The following SLC39A11 variants were observed in gnomAD, a reference collection of about 807,000 sequenced individuals.
SLC39A11 encodes zinc transporter ZIP11.
SLC39A11 carries 33 observed loss-of-function variants against 36.1 expected under a neutral mutation model. The observed-to-expected ratio is 0.91, with a 90% CI of 0.69 to 1.22. The LOEUF is 1.22. Among genes scored for constraint, SLC39A11 ranks in the 50% most tolerant of loss-of-function variants. The pLI is 0.00. For missense variants in SLC39A11, 432 were observed against 430.3 expected, an observed-to-expected ratio of 1.00 and a Z score of -0.03; for synonymous variants, 166 against 170.3, an observed-to-expected ratio of 0.97 and a Z score of 0.20.
At chr17:72,808,833 C>T (rs1326570127) in intron 6 of SLC39A11, among the ~76,000 whole-genome samples, 1 of 152,022 alleles carries the variant, frequency 6.6e-6, no homozygotes, top group African/African-American at 2.4e-5. Flanking sequence ...CTCTTCCACA[C>T]CTCTATGATT....
rs140102996 is a variant in SLC39A11 at position 72,994,621 on chromosome 17, G to A, written c.306+36935C>T. ...ATATTTCATAATAAAGTGAAAAAGC[G>A]CTTTTAATTAGAAATCTGAGCTCTG... is the stretch of plus-strand genomic sequence containing the variant. On this transcript the variant is annotated intron_variant, in intron 4 of 9. Transcript: ENST00000255559. Among the ~76,000 whole-genome samples, 263 of 152,234 alleles carry A rather than the reference G, an allele frequency of 1.7e-3. 1 individual carries two copies. Among genetic ancestry groups the A allele is most frequent in the Admixed American group, 2.7e-3 (42 of 15,288 alleles).
chr17:73,061,779 CT>C (rs1170773429), intron 3 of SLC39A11, among the ~76,000 whole-genome samples: 1 of 151,888 alleles, frequency 6.6e-6, no homozygotes, highest in African/African-American at 2.4e-5. Flanking sequence ...TGAATTGCTT[CT>C]GCTCAGGAGT....
intron 3 of SLC39A11, among the ~76,000 whole-genome samples, chr17:73,039,351 G>A (rs935644486): frequency 1.6e-4 from 25 of 151,928 alleles, no homozygotes; most frequent in African/African-American, 5.3e-4. Flanking sequence ...TTCATCACTC[G>A]TGTCCATGTC....
intron 5 of SLC39A11, among the ~76,000 whole-genome samples, chr17:72,932,934 C>T (rs1273657882): frequency 6.6e-6 from 1 of 152,168 alleles, no homozygotes; most frequent in Non-Finnish European, 1.5e-5. Context: ...ACAGTGGTGG[C>T]TTTTCAAATA....
intron 4 of SLC39A11, among the ~76,000 whole-genome samples, chr17:72,978,486 G>C (rs907662383): frequency 2.0e-5 from 3 of 152,184 alleles, no homozygotes; most frequent in African/African-American, 4.8e-5. Flanking sequence ...CGCACATTGT[G>C]GGGGGTCAGG....
At chr17:72,869,807 C>T (rs1379721232) in intron 5 of SLC39A11, among the ~76,000 whole-genome samples, 1 of 152,284 alleles carries the variant, frequency 6.6e-6, no homozygotes, top group Admixed American at 6.5e-5. Context: ...AACACATGTT[C>T]GTGTTTAAAA....
intron 4 of SLC39A11, among the ~76,000 whole-genome samples, chr17:72,952,369 T>C (rs1174712178): frequency 6.6e-6 from 1 of 152,214 alleles, no homozygotes; most frequent in African/African-American, 2.4e-5. Flanking sequence ...CAGCTCGCTT[T>C]GCTAGCTTTA....
chr17:72,662,653 AAAG>A (rs2070514998), intron 7 of SLC39A11, among the ~76,000 whole-genome samples: 1 of 105,200 alleles, frequency 9.5e-6, no homozygotes, highest in Admixed American at 8.8e-5. Context: ...GAAAAAGAAA[AAAG>A]AAAAGAAAAA....
intron 3 of SLC39A11, among the ~76,000 whole-genome samples, chr17:73,083,898 T>G (rs150266579): frequency 1.3e-5 from 2 of 152,314 alleles, no homozygotes; most frequent in East Asian, 3.9e-4. Context: ...ATTAATTTGG[T>G]AGGTATAATG....
At chr17:72,927,171 C>T (rs565690479) in intron 5 of SLC39A11, among the ~76,000 whole-genome samples, 4 of 152,134 alleles carry the variant, frequency 2.6e-5, no homozygotes, top group Non-Finnish European at 4.4e-5. Flanking sequence ...CTCAGCCTCC[C>T]GAGTAGGTGG....
intron 6 of SLC39A11, among the ~76,000 whole-genome samples, chr17:72,738,430 G>A (rs368740321): frequency 2.6e-5 from 4 of 152,318 alleles, no homozygotes. Context: ...GCAGCGTGGG[G>A]CTAGACAAGA....
intron 3 of SLC39A11, among the ~76,000 whole-genome samples, chr17:73,062,463 A>AT (rs2059871939): frequency 7.4e-6 from 1 of 134,702 alleles, no homozygotes; most frequent in Non-Finnish European, 1.6e-5. Flanking sequence ...GCTTGTCTCA[A>AT]AAAAAAAAAA....
chr17:72,682,002 A>T (rs905634755), intron 7 of SLC39A11, among the ~76,000 whole-genome samples: 1 of 151,916 alleles, frequency 6.6e-6, no homozygotes, highest in Non-Finnish European at 1.5e-5. Flanking sequence ...ATTGACAGCC[A>T]CTCCCCATCA....
chr17:72,816,182 T>C (rs2077576631), intron 6 of SLC39A11, among the ~76,000 whole-genome samples: 1 of 152,198 alleles, frequency 6.6e-6, no homozygotes, highest in Non-Finnish European at 1.5e-5. Context: ...TGCCCAGTTG[T>C]AGAGTGTCCT....
At chr17:72,692,297 T>A (rs1567951960) in intron 7 of SLC39A11, among the ~76,000 whole-genome samples, 1 of 152,200 alleles carries the variant, frequency 6.6e-6, no homozygotes, top group South Asian at 2.1e-4. Flanking sequence ...AGGCGTGGGC[T>A]ACCGCGCCCG....
At chr17:72,792,019 A>G (rs2076722866) in intron 6 of SLC39A11, among the ~76,000 whole-genome samples, 1 of 152,248 alleles carries the variant, frequency 6.6e-6, no homozygotes, top group African/African-American at 2.4e-5. Context: ...TCAGAGAAGA[A>G]AATCGAGGCA....
At chr17:72,759,184 A>C (rs2144508250) in intron 6 of SLC39A11, among the ~76,000 whole-genome samples, 1 of 152,198 alleles carries the variant, frequency 6.6e-6, no homozygotes, top group Non-Finnish European at 1.5e-5. Flanking sequence ...ATAGCAGAAA[A>C]TGGCTGGATT....
At chr17:72,990,817 T>G (rs766894862) in intron 4 of SLC39A11, among the ~76,000 whole-genome samples, 3 of 152,184 alleles carry the variant, frequency 2.0e-5, no homozygotes, top group Admixed American at 1.3e-4. Flanking sequence ...ACCTAGAGAC[T>G]AAAGTTTAGG....
In SLC39A11 at chr17:72,796,462, C is replaced by T. The variant is rs369486520; in HGVS notation, c.601+53172G>A. ...TACAGATTCTTGGAAATACACCCTC[C>T]CCGTGGAGCTGGGCTTCCAGGATCA... On this transcript the variant is annotated intron_variant, in intron 6 of 9. Transcript: ENST00000255559. Among the ~76,000 whole-genome samples the T allele has an allele frequency of 4.6e-5, 7 of 152,236 alleles. No homozygotes were observed. In the East Asian group the frequency reaches 1.2e-3, roughly 25 times the overall value.
Sources: gnomAD v4.1 joint callset for allele counts (sites outside exome capture counted in the v4.1 genomes callset) on GRCh38, gnomAD v4.1.1 for gene constraint, MANE v1.5 for transcripts, NCBI Gene and HGNC (gene_info 2026-07-23, HGNC 2026-07-21) for gene names.